XNDC1N: variants seen among roughly 807,000 people sequenced by gnomAD.
XNDC1N encodes the protein XRCC1 N-terminal domain containing 1, N-terminal like.
At chr11:71,919,168 G>C in the XNDC1N span, 1 of 612,680 alleles carries the variant, frequency 1.6e-6, no homozygotes, top group Non-Finnish European at 2.9e-6. Context: ...GAGGCCATAG[G>C]AATACTGTTA....
At chr11:71,896,578 T>C in the XNDC1N span, among the ~76,000 whole-genome samples, 1 of 152,360 alleles carries the variant, frequency 6.6e-6, no homozygotes, top group African/African-American at 2.4e-5. Flanking sequence ...TGTTTTTTGT[T>C]TTGAGATGGA....
the XNDC1N span, chr11:71,928,537 A>T: frequency 5.7e-6 from 4 of 702,440 alleles, no homozygotes; most frequent in Non-Finnish European, 1.0e-5. Context: ...GTTTTTGAAA[A>T]TGAGTCCTAC....
the XNDC1N span, among the ~76,000 whole-genome samples, chr11:71,896,834 G>A: frequency 6.6e-5 from 10 of 152,236 alleles, no homozygotes; most frequent in African/African-American, 2.4e-4. Context: ...AAAGGGCTGG[G>A]ATTACAGGCG....
the XNDC1N span, among the ~76,000 whole-genome samples, chr11:71,885,375 C>A: frequency 6.6e-6 from 1 of 152,064 alleles, no homozygotes; most frequent in Admixed American, 6.6e-5. Context: ...CCTATCAGCC[C>A]CTCCGCTTTG....
At chr11:71,928,274 G>C in the XNDC1N span, 3 of 570,474 alleles carry the variant, frequency 5.3e-6, no homozygotes, top group African/African-American at 1.9e-5. Flanking sequence ...ACAGCTCATC[G>C]GGAACAGGCT....
At chr11:71,925,023 C>T in the XNDC1N span, among the ~76,000 whole-genome samples, 1 of 151,780 alleles carries the variant, frequency 6.6e-6, no homozygotes, top group Non-Finnish European at 1.5e-5. Flanking sequence ...CTTTTCTCCA[C>T]GATTTTGCTC....
the XNDC1N span, among the ~76,000 whole-genome samples, chr11:71,902,079 G>C: frequency 3.3e-5 from 5 of 152,088 alleles, no homozygotes; most frequent in East Asian, 9.6e-4. Flanking sequence ...CCTATATCGT[G>C]CTTGGCACAT....
the XNDC1N span, chr11:71,884,595 G>A: frequency 2.5e-6 from 4 of 1,569,032 alleles, no homozygotes; most frequent in East Asian, 9.4e-5. Flanking sequence ...GACTCCAGGA[G>A]AAAAAACATG....
At chr11:71,916,218 C>T in the XNDC1N span, 1 of 702,710 alleles carries the variant, frequency 1.4e-6, no homozygotes, top group Non-Finnish European at 2.6e-6. Context: ...GAAGTCGATC[C>T]CATAACTCTC....
At chr11:71,915,356 G>C in the XNDC1N span, among the ~76,000 whole-genome samples, 2 of 151,856 alleles carry the variant, frequency 1.3e-5, no homozygotes, top group Non-Finnish European at 2.9e-5. Context: ...GCTGAGGCAG[G>C]AGAATGGCAA....
chr11:71,893,815 AC>A, the XNDC1N span: 1 of 1,025,852 alleles, frequency 9.7e-7, no homozygotes, highest in Non-Finnish European at 1.4e-6. Flanking sequence ...CATGCTCCTG[AC>A]TGTGATGACC....
At chr11:71,896,665 G>C in the XNDC1N span, among the ~76,000 whole-genome samples, 5 of 152,234 alleles carry the variant, frequency 3.3e-5, no homozygotes, top group African/African-American at 1.2e-4. Flanking sequence ...CTGGGTTCAA[G>C]CGATTCTCCT....
chr11:71,899,907 G>A, the XNDC1N span, among the ~76,000 whole-genome samples: 1 of 152,216 alleles, frequency 6.6e-6, no homozygotes, highest in Non-Finnish European at 1.5e-5. Context: ...GAATGTCTCG[G>A]TATAAAACCC....
At chr11:71,928,472 T>G in the XNDC1N span, 3 of 702,448 alleles carry the variant, frequency 4.3e-6, no homozygotes, top group Admixed American at 4.0e-5. Flanking sequence ...CCCCGAGAGC[T>G]ACTCTTCCGT....
At chr11:71,885,382 T>C in the XNDC1N span, among the ~76,000 whole-genome samples, 18,034 of 152,128 alleles carry the variant, frequency 0.12, 2,312 homozygotes, top group African/African-American at 0.32. Context: ...GCCCCTCCGC[T>C]TTGGAATGTT....
the XNDC1N span, among the ~76,000 whole-genome samples, chr11:71,907,423 G>A: frequency 2.7e-5 from 4 of 150,348 alleles, no homozygotes; most frequent in African/African-American, 9.7e-5. Flanking sequence ...CATCGCAGGG[G>A]GGCGAGGAGC....
chr11:71,908,699 A>G, the XNDC1N span, among the ~76,000 whole-genome samples: 1 of 152,314 alleles, frequency 6.6e-6, no homozygotes, highest in Admixed American at 6.5e-5. Context: ...GATTTGCTCC[A>G]AGCTGTTATC....
chr11:71,888,484 A>G, the XNDC1N span, among the ~76,000 whole-genome samples: 1 of 152,212 alleles, frequency 6.6e-6, no homozygotes, highest in Non-Finnish European at 1.5e-5. Flanking sequence ...AACCTCTGGC[A>G]GCCCCAGCCC....
At chr11:71,908,152 T>G in the XNDC1N span, among the ~76,000 whole-genome samples, 2 of 152,148 alleles carry the variant, frequency 1.3e-5, no homozygotes, top group African/African-American at 4.8e-5. Flanking sequence ...GTATGAATTA[T>G]TCCTCATTTA....
Sources: gnomAD v4.1 joint callset for allele counts (sites outside exome capture counted in the v4.1 genomes callset) on GRCh38, gnomAD v4.1.1 for gene constraint, MANE v1.5 for transcripts, NCBI Gene and HGNC (gene_info 2026-07-23, HGNC 2026-07-21) for gene names.